ZNF440: variants seen among roughly 807,000 people sequenced by gnomAD.
ZNF440 encodes the protein zinc finger protein 440.
Under a neutral mutation model 49.7 loss-of-function variants are expected in ZNF440, and 47 were observed. That is an observed-to-expected ratio of 0.95 (90% CI 0.75 to 1.21). ZNF440 has a LOEUF of 1.21. Ranked by LOEUF, ZNF440 falls within the 50% of genes most tolerant of loss-of-function variation. The pLI is 0.00. For missense variants in ZNF440, 703 were observed against 715.0 expected (o/e 0.98, Z 0.19); for synonymous variants, 255 against 237.7 (o/e 1.07, Z -0.67).
At position 11,832,455 on chromosome 19, in the gene ZNF440, A is replaced by C. The variant is rs751933924; in HGVS notation, c.1279A>C (p.Lys427Gln). 6.2e-7 allele frequency: 1 copy of C among 1,612,730 alleles called. No homozygotes were observed. Among genetic ancestry groups the C allele is most frequent in the Non-Finnish European group, 8.5e-7 (1 of 1,179,676 alleles). ...THTGEKPYEC[K>Q]ECGKAFRYVN... is the part of the protein sequence containing the mutation. ...CACTGGAGAGAAACCGTATGAATGTAAGGAATGTGGGAAAGCCTTCAGATA... is the reference window on the plus strand; with the variant it reads ...CACTGGAGAGAAACCGTATGAATGTCAGGAATGTGGGAAAGCCTTCAGATA... The change falls in exon 4 of 4, where the codon AAG becomes CAG. Residue 427 changes from lysine to glutamine, a missense_variant. By Grantham distance (53) the Lys-to-Gln change is moderately conservative. Transcript: ENST00000304060.
chr19:11,821,168 C>A (rs555689385), intron 1 of ZNF440, among the ~76,000 whole-genome samples: 1 of 152,272 alleles, frequency 6.6e-6, no homozygotes, highest in East Asian at 1.9e-4. Context: ...CCTATGTTTT[C>A]TTGGTCCTGG....
Position 11,814,290 on chromosome 19 carries a change from T to A in ZNF440, c.-158T>A, listed in dbSNP as rs1428691751. 1 of 719,898 alleles carries A rather than the reference T, an allele frequency of 1.4e-6. No homozygotes were observed. The highest frequency in any genetic ancestry group is 4.0e-5 in the Admixed American group (1 of 24,970). The allele number at this position is 719,898 out of a possible 1,614,324, so 44.6% of individuals were successfully genotyped here. A position where few individuals can be genotyped will look rare whatever the true frequency, so the allele number is the denominator to read the frequency against. On this transcript the variant is annotated 5_prime_UTR_variant, in exon 1 of 4. Transcript: ENST00000304060. ...GGACAGTCGCCCTCCGTCCATTCCT[T>A]TAGTGCTGCGCCGACAGCGGTCAGG...
rs1975937171 is a variant in ZNF440, at chr19:11,831,488, A to G, written c.312A>G (p.Lys104=). 1 of 1,613,876 alleles carries G rather than the reference A, an allele frequency of 6.2e-7. No homozygotes were observed. Among genetic ancestry groups the G allele is most frequent in the South Asian group, 1.1e-5 (1 of 91,084 alleles). Residue 104 remains lysine (K), a synonymous_variant, in exon 4 of 4, where the codon AAA becomes AAG. Transcript: ENST00000304060. ...AGAAGAAAGCTTCTCCTGAAGTAAA[A>G]TCATGTGAAAGCTTTGTGTGTGGAG... The part of the protein sequence containing the change: ...FQEKKASPEV[K]SCESFVCGEV...
In ZNF440 at chr19:11,832,772, C is replaced by A; in HGVS notation, c.1596C>A (p.Cys532Ter). 1 of 1,613,086 alleles carries A rather than the reference C, an allele frequency of 6.2e-7. No individual in the cohort carries two copies. The highest frequency in any genetic ancestry group is 1.3e-5 in the African/African-American group (1 of 74,890). Reference protein sequence around the residue: ...KPSELCQSFECMVGLTLKRNP... With the variant: ...KPSELCQSFE Reference sequence around the variant, plus strand: ...CAGAGCTGTGTCAATCCTTTGAATGCATGGTAGGACTCACCCTGAAGAGAA... The same window carrying A: ...CAGAGCTGTGTCAATCCTTTGAATGAATGGTAGGACTCACCCTGAAGAGAA... Residue 532 changes from cysteine (C) to a stop codon, truncating the protein, a stop_gained, in exon 4 of 4, where the codon TGC becomes TGA. Coordinates refer to ENST00000304060, the MANE Select transcript of ZNF440 (RefSeq NM_152357.3). LOFTEE classifies it high-confidence loss of function.
Position 11,831,622 on chromosome 19 carries a change from C to T in ZNF440, c.446C>T (p.Pro149Leu). The part of the protein sequence containing the change: ...YGPKPCKCQQ[P>L]KKAFRYRPSF... ...CCAAAGCCATGTAAGTGTCAACAACCTAAAAAAGCCTTCAGATACCGCCCC... is the reference window on the plus strand; with the variant it reads ...CCAAAGCCATGTAAGTGTCAACAACTTAAAAAAGCCTTCAGATACCGCCCC... Residue 149 changes from proline (P) to leucine (L), a missense_variant, in exon 4 of 4, where the codon CCT (proline) becomes CTT (leucine). Pro to Leu is a moderately conservative substitution (Grantham distance 98). Transcript: ENST00000304060. 6.2e-7 allele frequency: 1 copy of T among 1,614,114 alleles called. No individual in the cohort carries two copies. The highest frequency in any genetic ancestry group is 1.1e-5 in the South Asian group (1 of 91,080).
chr19:11,815,634 G>A (rs1252426037), intron 1 of ZNF440, among the ~76,000 whole-genome samples: 3 of 152,210 alleles, frequency 2.0e-5, no homozygotes, highest in Non-Finnish European at 2.9e-5. Context: ...GCCGGGCGCG[G>A]TGGCTCACGC....
At chr19:11,818,612 C>T (rs552906219) in intron 1 of ZNF440, among the ~76,000 whole-genome samples, 4 of 152,088 alleles carry the variant, frequency 2.6e-5, no homozygotes, top group South Asian at 2.1e-4. Context: ...AGCAGTGGTG[C>T]GATCATGGCT....
Position 11,832,066 on chromosome 19 carries a change from G to C in ZNF440, c.890G>C (p.Arg297Pro), listed in dbSNP as rs771455938. The C allele has an allele frequency of 6.2e-7, 1 of 1,613,866 alleles. No homozygotes were observed. Among genetic ancestry groups the C allele is most frequent in the Non-Finnish European group, 8.5e-7 (1 of 1,179,978 alleles). ...TGTGGAAAAGCATTCACGTGTCCCC[G>C]TTATGTTCGTATACATGAAAGGACC... Reference protein sequence around the residue: ...KECGKAFTCPRYVRIHERTHS... With the variant: ...KECGKAFTCPPYVRIHERTHS... Residue 297 changes from arginine (R) to proline (P), a missense_variant, in exon 4 of 4, where the codon CGT (arginine) becomes CCT (proline). Arg to Pro is a moderately radical substitution (Grantham distance 103, BLOSUM62 -2). Transcript: ENST00000304060.
At chr19:11,828,687 CTTTTTTT>C (rs201282862) in intron 1 of ZNF440, among the ~76,000 whole-genome samples, 4,833 of 138,604 alleles carry the variant, frequency 0.035, 162 homozygotes, top group African/African-American at 0.085. Flanking sequence ...TTTTCTTTTT[CTTTTTTT>C]TTTTTTTTGA....
At chr19:11,817,490 G>C (rs879255740) in intron 1 of ZNF440, 5 of 152,220 alleles carry the variant, frequency 3.3e-5, no homozygotes, top group Non-Finnish European at 7.3e-5. Flanking sequence ...CCAGGTACTC[G>C]GGAGGCTGGA....
At position 11,832,154 on chromosome 19, in the gene ZNF440, T is replaced by C. The variant is rs779363170; in HGVS notation, c.978T>C (p.Ser326=). Residue 326 remains serine (S), a synonymous_variant, in exon 4 of 4, where the codon AGT becomes AGC. Transcript: ENST00000304060. ...QCGKALSSLT[S]FQTHVRLHSG... ...GGAAAGCATTATCCTCTCTTACAAG[T>C]TTTCAAACACACGTAAGATTGCACT... is the stretch of plus-strand genomic sequence containing the variant. The C allele has an allele frequency of 1.9e-6, 3 of 1,614,144 alleles. No homozygotes were observed. Among genetic ancestry groups the C allele is most frequent in the Admixed American group, 3.3e-5 (2 of 60,016 alleles).
rs1164863129 is a variant in ZNF440 at position 11,833,495 on chromosome 19, T to G, written c.*531T>G. 1.5e-5 allele frequency: 5 copies of G among 331,190 alleles called. No homozygotes were observed. The highest frequency in any genetic ancestry group is 8.8e-5 in the Admixed American group (2 of 22,624). 20.5% of individuals were successfully genotyped at this position (331,190 alleles called of 1,614,324 possible). On this transcript the variant is annotated 3_prime_UTR_variant, in exon 4 of 4. Transcript: ENST00000304060. ...TCACACTGGAAGGAAACACTATGAA[T>G]GCAAGCAATGTGGCAAAGCTTTCAC...
rs1158946665 is a variant in ZNF440, at chr19:11,834,568, A to G, written c.*1604A>G. 6.6e-6 allele frequency: 1 copy of G among 152,244 alleles called. No homozygotes were observed. The allele number at this position is 152,244 out of a possible 1,614,324, so 9.4% of individuals were successfully genotyped here. ...ATAGTGATAAATATGACCAAAAGCC[A>G]TAAATGACTGTGAGATGTATGAGAA... On this transcript the variant is annotated 3_prime_UTR_variant, in exon 4 of 4. Coordinates refer to ENST00000304060, the MANE Select transcript of ZNF440 (RefSeq NM_152357.3).
In ZNF440 at chr19:11,831,907, G is replaced by A. The variant is rs746222351; in HGVS notation, c.731G>A (p.Arg244Gln). The change falls in exon 4 of 4, where the codon CGA becomes CAA. Residue 244 changes from arginine (R) to glutamine (Q), a missense_variant. Arg to Gln is a conservative substitution (Grantham distance 43). Coordinates refer to ENST00000304060, the MANE Select transcript of ZNF440 (RefSeq NM_152357.3). ...TCCTTTAGTTATTCTGCTACCCATC[G>A]AATACATAAAAGAACTCACACTGGA... Reference protein sequence around the residue: ...GKSFSYSATHRIHKRTHTGEK... With the variant: ...GKSFSYSATHQIHKRTHTGEK... 24 of 1,613,746 alleles carry A rather than the reference G, an allele frequency of 1.5e-5. No homozygotes were observed. Among genetic ancestry groups the A allele is most frequent in the Middle Eastern group, 1.7e-4 (1 of 6,060 alleles).
chr19:11,824,992 C>T (rs768799597), intron 1 of ZNF440, among the ~76,000 whole-genome samples: 2 of 151,828 alleles, frequency 1.3e-5, no homozygotes, highest in Non-Finnish European at 2.9e-5. Context: ...CAGGCGTGAG[C>T]CACCGTACCC....
intron 1 of ZNF440, among the ~76,000 whole-genome samples, chr19:11,822,763 C>T (rs1230075844): frequency 3.4e-5 from 5 of 148,116 alleles, no homozygotes; most frequent in African/African-American, 2.5e-5. Context: ...AGGAGAATCA[C>T]GAGAACCTGG....
At chr19:11,821,525 A>G (rs1006451029) in intron 1 of ZNF440, among the ~76,000 whole-genome samples, 1 of 152,280 alleles carries the variant, frequency 6.6e-6, no homozygotes, top group African/African-American at 2.4e-5. Context: ...CCCAAAAAAC[A>G]AAGACCACCC....
In ZNF440 at chr19:11,832,205, GAT is replaced by G. The variant is rs1568244351; in HGVS notation, c.1032_1033del (p.Ile344MetfsTer15). On this transcript the variant is annotated frameshift_variant, in exon 4 of 4. Transcript: ENST00000304060. LOFTEE classifies it high-confidence loss of function. ...CTGGAGAAAGACCTTATGAATGTAA[GAT>G]ATGTGGAAAAGACTTTTGTTCTGTG... Reference protein sequence around the residue: ...HSGERPYECKICGKDFCSVNS... With the variant: ...HSGERPYECKXCGKDFCSVNS... The G allele has an allele frequency of 6.2e-7, 1 of 1,614,172 alleles. No homozygotes were observed. The highest frequency in any genetic ancestry group is 2.2e-5 in the East Asian group (1 of 44,874).
In ZNF440 at chr19:11,833,822, C is replaced by A; in HGVS notation, c.*858C>A. 1.3e-6 allele frequency: 1 copy of A among 755,596 alleles called. No homozygotes were observed. The highest frequency in any genetic ancestry group is 2.3e-5 in the South Asian group (1 of 43,798). 46.8% of individuals were successfully genotyped at this position (755,596 alleles called of 1,614,324 possible). A position where few individuals can be genotyped will look rare whatever the true frequency, so the allele number is the denominator to read the frequency against. On this transcript the variant is annotated 3_prime_UTR_variant, in exon 4 of 4. Transcript: ENST00000304060. ...GAAGGACTCACACTGGAGAAAAACC[C>A]TATGAATGTAAGCAGTATGGGAAAG...
Sources: allele counts gnomAD v4.1 joint callset (sites outside exome capture counted in the v4.1 genomes callset), GRCh38; gene constraint gnomAD v4.1.1; transcripts MANE v1.5; gene names NCBI Gene and HGNC (gene_info 2026-07-23, HGNC 2026-07-21).